The following RGS6 variants were observed in gnomAD, a reference collection of about 807,000 sequenced individuals.
RGS6 encodes the protein regulator of G protein signaling 6.
RGS6 carries 30 observed loss-of-function variants against 78.5 expected under a neutral mutation model. That is an observed-to-expected ratio of 0.38 (90% CI 0.29 to 0.52). The LOEUF is 0.52. Ranked by LOEUF, RGS6 falls within the 20% of genes least tolerant of loss-of-function variation. RGS6 has a pLI of 0.85. For synonymous variants in RGS6, 206 were observed against 206.0 expected (o/e 1.00, Z 0.00); for missense variants, 495 against 609.7 (o/e 0.81, Z 1.98).
intron 2 of RGS6, among the ~76,000 whole-genome samples, chr14:72,090,210 T>C (rs921191911): frequency 6.6e-6 from 1 of 151,996 alleles, no homozygotes; most frequent in Non-Finnish European, 1.5e-5. Flanking sequence ...TTTTGTAATA[T>C]GGGTCCTTGT....
At chr14:72,060,122 G>A (rs1238303348) in intron 2 of RGS6, among the ~76,000 whole-genome samples, 1 of 152,076 alleles carries the variant, frequency 6.6e-6, no homozygotes, top group Non-Finnish European at 1.5e-5. Flanking sequence ...GTCGGGCCAG[G>A]GACTCAAACA....
At chr14:72,214,323 C>T (rs569297850) in intron 2 of RGS6, among the ~76,000 whole-genome samples, 1 of 151,914 alleles carries the variant, frequency 6.6e-6, no homozygotes, top group Non-Finnish European at 1.5e-5. Flanking sequence ...ACCAAAGGCA[C>T]GTGCCACCAT....
chr14:72,255,848 C>T (rs987793899), intron 2 of RGS6, among the ~76,000 whole-genome samples: 3 of 152,202 alleles, frequency 2.0e-5, no homozygotes, highest in African/African-American at 4.8e-5. Flanking sequence ...AGGGATTGAA[C>T]TAAGTGATAA....
chr14:72,326,742 C>T (rs924867848), intron 2 of RGS6, among the ~76,000 whole-genome samples: 1 of 152,096 alleles, frequency 6.6e-6, no homozygotes, highest in African/African-American at 2.4e-5. Context: ...TCGCTCTGTC[C>T]CCCAGACTGG....
intron 2 of RGS6, among the ~76,000 whole-genome samples, chr14:71,991,295 T>G (rs2094943202): frequency 6.6e-6 from 1 of 152,230 alleles, no homozygotes; most frequent in Non-Finnish European, 1.5e-5. Flanking sequence ...CCACATCATG[T>G]AACAATTCTG....
At chr14:72,596,934 T>G in the RGS6 span, among the ~76,000 whole-genome samples, 1 of 152,084 alleles carries the variant, frequency 6.6e-6, no homozygotes, top group Admixed American at 6.6e-5. Context: ...GGTAGAATAA[T>G]GAAACCCATC....
chr14:72,214,410 T>A (rs1447581042), intron 2 of RGS6, among the ~76,000 whole-genome samples: 1 of 152,128 alleles, frequency 6.6e-6, no homozygotes, highest in East Asian at 1.9e-4. Context: ...AATCCTAGAA[T>A]TCGTAACTTT....
At chr14:71,958,758 G>C (rs891624532) in intron 1 of RGS6, among the ~76,000 whole-genome samples, 9 of 152,136 alleles carry the variant, frequency 5.9e-5, no homozygotes, top group African/African-American at 2.2e-4. Flanking sequence ...CTAGGTCAGC[G>C]GTTTCCAAAC....
At chr14:72,044,740 G>C (rs1253170128) in intron 2 of RGS6, among the ~76,000 whole-genome samples, 1 of 152,184 alleles carries the variant, frequency 6.6e-6, no homozygotes, top group Non-Finnish European at 1.5e-5. Context: ...GAGTGTGGTG[G>C]TGGGTGCCTG....
chr14:72,233,869 G>A (rs534347488), intron 2 of RGS6, among the ~76,000 whole-genome samples: 1 of 152,290 alleles, frequency 6.6e-6, no homozygotes, highest in Admixed American at 6.5e-5. Flanking sequence ...AGCAAGCCAT[G>A]GCTTCAAGAC....
chr14:71,913,265 A>G, the RGS6 span, among the ~76,000 whole-genome samples: 33 of 152,178 alleles, frequency 2.2e-4, no homozygotes, highest in Non-Finnish European at 2.2e-4. Context: ...ATGAACATCC[A>G]TAGATATCCC....
chr14:72,213,316 G>A lies in RGS6; in HGVS notation c.85-138779G>A, dbSNP rs139618667. ...AGCTTCTCAGTGGGCCAGGAAAGAG[G>A]CCCCAAAGCCACACTGTATACTAGG... is the stretch of plus-strand genomic sequence containing the variant. On this transcript the variant is annotated intron_variant, in intron 2 of 17. Transcript: ENST00000553525. 2.9e-3 allele frequency among the ~76,000 whole-genome samples: 443 copies of A among 152,126 alleles called. 2 individuals carry two copies. Among genetic ancestry groups the A allele is most frequent in the African/African-American group, 0.01 (425 of 41,484 alleles).
At chr14:72,505,234 A>G (rs952594417) in intron 13 of RGS6, among the ~76,000 whole-genome samples, 29 of 152,324 alleles carry the variant, frequency 1.9e-4, no homozygotes, top group African/African-American at 6.3e-4. Flanking sequence ...CAAAAATACT[A>G]TAGACTGTGT....
intron 3 of RGS6, among the ~76,000 whole-genome samples, chr14:72,411,136 A>G (rs1277862452): frequency 6.6e-6 from 1 of 152,168 alleles, no homozygotes; most frequent in East Asian, 1.9e-4. Flanking sequence ...TGGGGTTGGC[A>G]TTGAATCTAT....
chr14:72,313,636 C>T (rs1026588757), intron 2 of RGS6, among the ~76,000 whole-genome samples: 6 of 152,296 alleles, frequency 3.9e-5, no homozygotes, highest in African/African-American at 1.2e-4. Context: ...CTTATCTACA[C>T]GAGCCTCCCA....
chr14:71,937,912 T>C (rs997825333), intron 1 of RGS6, among the ~76,000 whole-genome samples: 1 of 152,186 alleles, frequency 6.6e-6, no homozygotes, highest in Non-Finnish European at 1.5e-5. Context: ...GGGTCAGTGT[T>C]GGTCTCTGCT....
At chr14:72,306,493 A>G (rs1463707560) in intron 2 of RGS6, among the ~76,000 whole-genome samples, 1 of 152,138 alleles carries the variant, frequency 6.6e-6, no homozygotes, top group African/African-American at 2.4e-5. Context: ...AAATTGAAAC[A>G]CTCCTGGAAA....
At chr14:72,096,083 A>G (rs1567195441) in intron 2 of RGS6, among the ~76,000 whole-genome samples, 1 of 152,194 alleles carries the variant, frequency 6.6e-6, no homozygotes, top group Non-Finnish European at 1.5e-5. Flanking sequence ...AGCCTGGCCA[A>G]CATGGTGAAA....
At chr14:72,412,298 G>A (rs907219241) in intron 3 of RGS6, among the ~76,000 whole-genome samples, 1 of 152,146 alleles carries the variant, frequency 6.6e-6, no homozygotes, top group African/African-American at 2.4e-5. Context: ...AGTCTTGGGA[G>A]GGTGTATGTG....
Sources: gnomAD v4.1 joint callset for allele counts (sites outside exome capture counted in the v4.1 genomes callset) on GRCh38, gnomAD v4.1.1 for gene constraint, MANE v1.5 for transcripts, NCBI Gene and HGNC (gene_info 2026-07-23, HGNC 2026-07-21) for gene names.